GLOD4: variants seen among roughly 807,000 people sequenced by gnomAD.
GLOD4 encodes glyoxalase domain-containing protein 4.
A neutral mutation model predicts 39.1 loss-of-function variants in GLOD4; 44 were observed. The ratio of observed to expected loss-of-function variants is 1.13; its 90% confidence interval spans 0.88 to 1.45. GLOD4 has a LOEUF of 1.45. GLOD4 is among the 40% of genes most tolerant of loss of function. The pLI is 0.00. For missense variants in GLOD4, 405 were observed against 366.4 expected (o/e 1.11, Z -0.86); for synonymous variants, 145 against 135.0 (o/e 1.07, Z -0.52).
upstream of GLOD4, among the ~76,000 whole-genome samples, chr17:784,171 G>A (rs752583473): frequency 3.3e-5 from 5 of 152,194 alleles, no homozygotes; most frequent in Admixed American, 6.5e-5. Flanking sequence ...GAGAAGATAA[G>A]TTTTTCATAC....
intron 2 of GLOD4, chr17:778,476 T>G: frequency 1.7e-6 from 1 of 597,822 alleles, no homozygotes. Flanking sequence ...GCTCCTGAAG[T>G]TGCCTCCCTA....
intron 8 of GLOD4, among the ~76,000 whole-genome samples, chr17:762,027 TCA>T (rs1241728183): frequency 1.3e-5 from 2 of 152,284 alleles, no homozygotes; most frequent in Non-Finnish European, 1.5e-5. Context: ...GAAATTTATC[TCA>T]GAGGCAAGAG....
chr17:766,981 CA>C (rs1332960627), intron 8 of GLOD4, among the ~76,000 whole-genome samples: 1 of 152,190 alleles, frequency 6.6e-6, no homozygotes, highest in Non-Finnish European at 1.5e-5. Flanking sequence ...GAGAGGATGA[CA>C]GATTCTACTT....
chr17:774,297 C>CGG (rs1258955488), intron 4 of GLOD4, among the ~76,000 whole-genome samples: 1 of 152,140 alleles, frequency 6.6e-6, no homozygotes, highest in Admixed American at 6.5e-5. Context: ...ATGGGGGCAT[C>CGG]GGGGACAGGA....
rs778787698 is a variant in GLOD4 at position 776,925 on chromosome 17, G to A, written c.204C>T (p.Val68=). The change falls in exon 3 of 9, where the codon GTC becomes GTT. Residue 68 remains valine, a synonymous_variant. Transcript: ENST00000301329. The stretch of plus-strand genomic sequence containing the variant: ...CGCCATAATTGTAAGTCAGTTCTGC[G>A]ACAAAATGATCATCCTCAGGCCCAA... The part of the protein sequence containing the change: ...VGFGPEDDHF[V]AELTYNYGVG... The A allele has an allele frequency of 6.2e-6, 10 of 1,609,910 alleles. No individual in the cohort carries two copies. The highest frequency in any genetic ancestry group is 1.6e-4 in the Middle Eastern group (1 of 6,076).
In GLOD4 at chr17:769,731, G is replaced by T. The variant is rs940748860; in HGVS notation, c.831+138C>A. ...GGTGGCAGTGAAGACATCGGTCCTT[G>T]GCTGAGGTCAACCCAACAGCGAAAG... On this transcript the variant is annotated intron_variant, in intron 8 of 8. Coordinates refer to ENST00000301329, the MANE Select transcript of GLOD4 (RefSeq NM_016080.4). 1.5e-5 allele frequency: 10 copies of T among 658,342 alleles called. No individual in the cohort carries two copies. The African/African-American group carries it at 1.8e-4, about 12-fold the overall frequency. 40.8% of individuals were successfully genotyped at this position (658,342 alleles called of 1,614,324 possible). A position where few individuals can be genotyped will look rare whatever the true frequency, so the allele number is the denominator to read the frequency against.
chr17:768,982 G>A (rs1159851625), intron 8 of GLOD4, among the ~76,000 whole-genome samples: 2 of 152,000 alleles, frequency 1.3e-5, no homozygotes, highest in Admixed American at 6.6e-5. Flanking sequence ...TTTTTAGAAG[G>A]AGAAATCTGG....
chr17:775,493 A>G (rs1908747203), intron 4 of GLOD4, among the ~76,000 whole-genome samples: 1 of 152,218 alleles, frequency 6.6e-6, no homozygotes, highest in African/African-American at 2.4e-5. Flanking sequence ...GAGCTAAAAG[A>G]TTCTATAACT....
rs1909101222 is a variant in GLOD4, at chr17:777,138, C to T, written c.141-150G>A. 5 of 669,232 alleles carry T rather than the reference C, an allele frequency of 7.5e-6. No homozygotes were observed. In the Admixed American group the frequency reaches 1.0e-4, roughly 13 times the overall value. 41.5% of individuals were successfully genotyped at this position (669,232 alleles called of 1,614,324 possible). A position where few individuals can be genotyped will look rare whatever the true frequency, so the allele number is the denominator to read the frequency against. On this transcript the variant is annotated intron_variant, in intron 2 of 8. Coordinates refer to ENST00000301329, the MANE Select transcript of GLOD4 (RefSeq NM_016080.4). ...AGATGACCTCAGATGGTACAGAAAG[C>T]AGCTGTGGGCAGTGCTCATGGGACC... is the stretch of plus-strand genomic sequence containing the variant.
chr17:778,100 T>C (rs1909261838), intron 2 of GLOD4, among the ~76,000 whole-genome samples: 1 of 152,154 alleles, frequency 6.6e-6, no homozygotes, highest in Non-Finnish European at 1.5e-5. Context: ...GCCCTGTGTA[T>C]CTCCTCTGTC....
Position 780,440 on chromosome 17 carries a change from G to A in GLOD4, c.91-1696C>T, listed in dbSNP as rs1028368623. Among the ~76,000 whole-genome samples the A allele has an allele frequency of 7.9e-5, 12 of 152,244 alleles. No homozygotes were observed. In the South Asian group the frequency reaches 2.1e-3, roughly 26 times the overall value. ...TCAACTAAAGGCACATAAAACCAGC[G>A]GCTTCGCAAACATGTGCCATCTCCG... On this transcript the variant is annotated intron_variant, in intron 1 of 8. Coordinates refer to ENST00000301329, the MANE Select transcript of GLOD4 (RefSeq NM_016080.4).
chr17:776,921 C>G lies in GLOD4; in HGVS notation c.208G>C (p.Glu70Gln). 1.2e-6 allele frequency: 2 copies of G among 1,611,394 alleles called. No individual in the cohort carries two copies. The highest frequency in any genetic ancestry group is 2.2e-5 in the East Asian group (1 of 44,874). ...CCGACGCCATAATTGTAAGTCAGTT[C>G]TGCGACAAAATGATCATCCTCAGGC... is the stretch of plus-strand genomic sequence containing the variant. ...FGPEDDHFVA[E>Q]LTYNYGVGDY... The change falls in exon 3 of 9, where the codon GAA (glutamate) becomes CAA (glutamine). Residue 70 changes from glutamate to glutamine, a missense_variant. Transcript: ENST00000301329.
chr17:776,748 CTT>C, intron 3 of GLOD4, 118 bp downstream of exon 3: 1 of 778,912 alleles, frequency 1.3e-6, no homozygotes, highest in South Asian at 1.5e-5. Flanking sequence ...TCCCTGACCT[CTT>C]TTGAGTCTCT....
chr17:774,777 A>T (rs1174081101), intron 4 of GLOD4, among the ~76,000 whole-genome samples: 1 of 152,166 alleles, frequency 6.6e-6, no homozygotes, highest in Non-Finnish European at 1.5e-5. Flanking sequence ...CCTAAAAAGA[A>T]AGCAAAAAGG....
intron 4 of GLOD4, among the ~76,000 whole-genome samples, chr17:772,059 C>CATGTGTGT (rs1475860363): frequency 6.9e-6 from 1 of 144,234 alleles, no homozygotes; most frequent in Non-Finnish European, 1.5e-5. Flanking sequence ...CGTGGTGGCT[C>CATGTGTGT]ATGTGTGTAT....
chr17:784,648 T>TA (rs1910448111), upstream of GLOD4, among the ~76,000 whole-genome samples: 1 of 152,204 alleles, frequency 6.6e-6, no homozygotes, highest in Non-Finnish European at 1.5e-5. Context: ...ATCCTTATGT[T>TA]ACTATATTTT....
chr17:780,208 A>C (rs768256003), intron 1 of GLOD4, among the ~76,000 whole-genome samples: 3 of 152,184 alleles, frequency 2.0e-5, no homozygotes, highest in Non-Finnish European at 4.4e-5. Flanking sequence ...ATCCTTATTG[A>C]TATCCTTCCT....
intron 4 of GLOD4, among the ~76,000 whole-genome samples, chr17:772,708 T>A (rs1363649006): frequency 6.6e-6 from 1 of 151,774 alleles, no homozygotes; most frequent in Non-Finnish European, 1.5e-5. Flanking sequence ...TACGAAAAAA[T>A]ATTCAGGCCG....
chr17:778,845 A>G (rs767627925), intron 1 of GLOD4, 101 bp from the exon 2 acceptor site: 3 of 680,402 alleles, frequency 4.4e-6, no homozygotes, highest in Non-Finnish European at 7.8e-6. Flanking sequence ...ATCATTTATA[A>G]GCTTTACTTG....
Sources: allele counts gnomAD v4.1 joint callset (sites outside exome capture counted in the v4.1 genomes callset), GRCh38; gene constraint gnomAD v4.1.1; transcripts MANE v1.5; gene names NCBI Gene and HGNC (gene_info 2026-07-23, HGNC 2026-07-21).